The following MYO9B variants were observed in gnomAD, a reference collection of about 807,000 sequenced individuals.
The protein encoded by MYO9B is unconventional myosin-IXb.
A neutral mutation model predicts 229.5 loss-of-function variants in MYO9B; 71 were observed. That is an observed-to-expected ratio of 0.31 (90% CI 0.26 to 0.38). The LOEUF (loss-of-function observed/expected upper bound fraction) is 0.38, where lower values mean the gene tolerates loss of function less well. Ranked by LOEUF, MYO9B falls within the 10% of genes least tolerant of loss-of-function variation. MYO9B has a pLI of 1.00. For synonymous variants in MYO9B, 1,185 were observed against 1,235.8 expected (o/e 0.96, Z 0.86); for missense variants, 2,255 against 2,920.5 (o/e 0.77, Z 5.25).
intron 1 of MYO9B, among the ~76,000 whole-genome samples, chr19:17,082,237 T>A (rs932630158): frequency 2.6e-5 from 4 of 152,000 alleles, no homozygotes; most frequent in Non-Finnish European, 5.9e-5. Flanking sequence ...GAAGTCAAAT[T>A]AACAGCCCAG....
At chr19:17,175,511 A>G (rs7260120) in intron 13 of MYO9B, among the ~76,000 whole-genome samples, 152 bp from the exon 14 acceptor site, 1 of 152,090 alleles carries the variant, frequency 6.6e-6, no homozygotes, top group African/African-American at 2.4e-5. Flanking sequence ...CTCAGGAGGC[A>G]GAAGTTGCAG....
intron 23 of MYO9B, 122 bp downstream of exon 23, chr19:17,197,980 G>C: frequency 7.1e-7 from 1 of 1,401,132 alleles, no homozygotes; most frequent in Admixed American, 1.9e-5. Context: ...CTTGAACGCA[G>C]TGGCAGGGTA....
chr19:17,209,924 G>A (rs541089440), intron 36 of MYO9B, among the ~76,000 whole-genome samples: 2 of 152,218 alleles, frequency 1.3e-5, no homozygotes, highest in Admixed American at 6.5e-5. Context: ...CCAGTTCCCC[G>A]CCCACTCCTA....
rs577152918 is a variant in MYO9B at position 17,195,300 on chromosome 19, C to T, written c.3873C>T (p.Pro1291=). 1.2e-5 allele frequency: 19 copies of T among 1,612,582 alleles called. No homozygotes were observed. The highest frequency in any genetic ancestry group is 1.7e-4 in the Middle Eastern group (1 of 6,060). ...GGGTTCAGGAAAAGCCCGACAGCCCCGGAGGCTCCACGCAGATCCAGCGGT... is the reference window on the plus strand; with the variant it reads ...GGGTTCAGGAAAAGCCCGACAGCCCTGGAGGCTCCACGCAGATCCAGCGGT... ...SPRVQEKPDS[P]GGSTQIQRYL... is the part of the protein sequence containing the mutation. The change falls in exon 22 of 40, where the codon CCC becomes CCT. Residue 1291 remains proline, a synonymous_variant. Coordinates refer to ENST00000682292, the MANE Select transcript of MYO9B (RefSeq NM_004145.4). This position sits in a 1 kb window ranked among gnomAD's most constrained non-coding sequence, Gnocchi z 4.5.
chr19:17,107,018 G>A (rs1209898187), intron 2 of MYO9B, among the ~76,000 whole-genome samples: 3 of 151,924 alleles, frequency 2.0e-5, no homozygotes, highest in Non-Finnish European at 4.4e-5. Context: ...AGCCAATATC[G>A]CACCATTGCA....
intron 18 of MYO9B, among the ~76,000 whole-genome samples, chr19:17,187,281 C>T (rs2072928933): frequency 6.6e-6 from 1 of 152,248 alleles, no homozygotes; most frequent in Non-Finnish European, 1.5e-5. Context: ...TCCTGGGACA[C>T]CTCCCATGGG....
intron 1 of MYO9B, among the ~76,000 whole-genome samples, chr19:17,088,326 A>G (rs1272516124): frequency 6.6e-6 from 1 of 152,190 alleles, no homozygotes; most frequent in Non-Finnish European, 1.5e-5. Flanking sequence ...TGTCCAGTAC[A>G]ACCTGATCTT....
At chr19:17,088,479 T>G (rs1176994699) in intron 1 of MYO9B, among the ~76,000 whole-genome samples, 4 of 152,194 alleles carry the variant, frequency 2.6e-5, no homozygotes, top group Admixed American at 6.5e-5. Context: ...CGCTGTTTCT[T>G]GGCCCTGCTG....
In MYO9B at chr19:17,162,363, G is replaced by A. The variant is rs779268285; in HGVS notation, c.1433G>A (p.Arg478His). The A allele has an allele frequency of 6.3e-7, 1 of 1,578,020 alleles. No homozygotes were observed. The highest frequency in any genetic ancestry group is 8.6e-7 in the Non-Finnish European group (1 of 1,163,436). The change falls in exon 9 of 40, where the codon CGC becomes CAC. Residue 478 changes from arginine to histidine, a missense_variant. Transcript: ENST00000682292. ...PYSLSEAITA[R>H]DSMAKSLYSA... ...CTGTGTCCACAGGCCATCACTGCCC[G>A]CGACTCCATGGCCAAGTCTCTGTAC...
chr19:17,199,962 C>T (rs1599420227), intron 24 of MYO9B, among the ~76,000 whole-genome samples: 1 of 151,968 alleles, frequency 6.6e-6, no homozygotes, highest in Non-Finnish European at 1.5e-5. Context: ...ACCTCCACCT[C>T]CTGGGTTCAA....
chr19:17,200,270 A>G (rs776673132), intron 24 of MYO9B, 23 bp from the exon 25 acceptor site: 1 of 1,597,268 alleles, frequency 6.3e-7, no homozygotes. Context: ...GACTTAAAAG[A>G]AGCCACGTAC....
chr19:17,175,055 T>C (rs1004069281), intron 13 of MYO9B, among the ~76,000 whole-genome samples: 1 of 151,528 alleles, frequency 6.6e-6, no homozygotes, highest in African/African-American at 2.4e-5. Flanking sequence ...GACAGCTCTC[T>C]TGAGGCCAGC....
rs751354042 is a variant in MYO9B, at chr19:17,198,256, G to T, written c.4186G>T (p.Ala1396Ser). Residue 1396 changes from alanine (A) to serine (S), a missense_variant, in exon 24 of 40, where the codon GCA becomes TCA. By Grantham distance (99) the Ala-to-Ser change is moderately conservative. Transcript: ENST00000682292. Reference sequence around the variant, plus strand: ...TGTCCAGAAGAAGAAGCCAGGCGACGCATCCTCCCTCCCAGACGCAGGGCT... The same window carrying T: ...TGTCCAGAAGAAGAAGCCAGGCGACTCATCCTCCCTCCCAGACGCAGGGCT... ...PAVQKKKPGD[A>S]SSLPDAGLSP... The T allele has an allele frequency of 1.2e-6, 2 of 1,613,872 alleles. No homozygotes were observed. The highest frequency in any genetic ancestry group is 1.1e-5 in the South Asian group (1 of 91,078).
chr19:17,151,714 A>G (rs2072478899), intron 3 of MYO9B, among the ~76,000 whole-genome samples: 1 of 152,100 alleles, frequency 6.6e-6, no homozygotes, highest in Admixed American at 6.6e-5. Flanking sequence ...GCCAGGAGTT[A>G]CAGACCAGCC....
At chr19:17,167,743 T>C (rs2072676254) in intron 10 of MYO9B, among the ~76,000 whole-genome samples, 200 bp from the exon 11 acceptor site, 1 of 152,158 alleles carries the variant, frequency 6.6e-6, no homozygotes, top group African/African-American at 2.4e-5. Flanking sequence ...CCTCCCAAAG[T>C]GCTGGGATTA....
chr19:17,210,966 G>A (rs2073221020), intron 38 of MYO9B, 118 bp downstream of exon 38: 2 of 933,304 alleles, frequency 2.1e-6, no homozygotes, highest in South Asian at 1.7e-5. Context: ...CCTAACACTG[G>A]GCAAACAACA....
intron 5 of MYO9B, 62 bp from the exon 6 acceptor site, chr19:17,154,253 C>T: frequency 6.6e-7 from 1 of 1,521,312 alleles, no homozygotes; most frequent in Non-Finnish European, 9.1e-7. Flanking sequence ...GCCAAAATCA[C>T]TCTGGCACGC....
intron 2 of MYO9B, among the ~76,000 whole-genome samples, chr19:17,136,896 A>C (rs1259052822): frequency 6.6e-6 from 1 of 152,168 alleles, no homozygotes; most frequent in Non-Finnish European, 1.5e-5. Flanking sequence ...GCCCCAGACC[A>C]ACCTGGGTAA....
intron 13 of MYO9B, among the ~76,000 whole-genome samples, chr19:17,175,051 T>A (rs1467749361): frequency 6.6e-6 from 1 of 151,318 alleles, no homozygotes; most frequent in African/African-American, 2.4e-5. Flanking sequence ...CCAAGACAGC[T>A]CTCTTGAGGC....
Sources: gnomAD v4.1 joint callset for allele counts (sites outside exome capture counted in the v4.1 genomes callset) on GRCh38, gnomAD v4.1.1 for gene constraint, Gnocchi (gnomAD v3.1) non-coding constraint, MANE v1.5 for transcripts, NCBI Gene and HGNC (gene_info 2026-07-23, HGNC 2026-07-21) for gene names.